KAZN: variants seen among roughly 807,000 people sequenced by gnomAD.
KAZN encodes the protein kazrin, periplakin interacting protein.
Under a neutral mutation model 87.4 loss-of-function variants are expected in KAZN, and 40 were observed. The observed-to-expected ratio is 0.46, with a 90% confidence interval of 0.36 to 0.60. The LOEUF is 0.60. Among genes scored for constraint, KAZN ranks in the 20% least tolerant of loss-of-function variants. The pLI, the probability that KAZN is intolerant of heterozygous loss-of-function variation, is 0.00. For missense variants in KAZN, 898 were observed against 1,073.9 expected, an observed-to-expected ratio of 0.84 and a Z score of 2.29; for synonymous variants, 466 against 458.3, an observed-to-expected ratio of 1.02 and a Z score of -0.22.
chr1:14,307,761 T>C (rs1039509177), intron 2 of KAZN, among the ~76,000 whole-genome samples: 1 of 152,162 alleles, frequency 6.6e-6, no homozygotes, highest in African/African-American at 2.4e-5. Flanking sequence ...CACAGGATGC[T>C]GAAAGTAGGG....
At chr1:14,650,481 G>A (rs1367276488) in intron 1 of KAZN, among the ~76,000 whole-genome samples, 2 of 152,206 alleles carry the variant, frequency 1.3e-5, no homozygotes, top group Admixed American at 6.5e-5. Flanking sequence ...TGAACCTGCA[G>A]TGAGCCATGT....
intron 1 of KAZN, among the ~76,000 whole-genome samples, chr1:14,077,299 T>G (rs1054205891): frequency 6.6e-6 from 1 of 152,150 alleles, no homozygotes; most frequent in East Asian, 1.9e-4. Flanking sequence ...CCTAAAAATG[T>G]CTTCTGCAAA....
intron 1 of KAZN, among the ~76,000 whole-genome samples, chr1:14,852,924 A>T (rs1474445781): frequency 6.6e-6 from 1 of 152,184 alleles, no homozygotes; most frequent in African/African-American, 2.4e-5. Flanking sequence ...TCTGTGCTTT[A>T]ACCAGATCCT....
At chr1:14,458,938 G>T (rs1405961496) in intron 2 of KAZN, among the ~76,000 whole-genome samples, 1 of 152,078 alleles carries the variant, frequency 6.6e-6, no homozygotes, top group African/African-American at 2.4e-5. Flanking sequence ...GTCTTTGGAG[G>T]GTCTTAAGTT....
At chr1:14,449,395 G>C (rs1336823559) in intron 2 of KAZN, among the ~76,000 whole-genome samples, 2 of 152,154 alleles carry the variant, frequency 1.3e-5, no homozygotes, top group African/African-American at 2.4e-5. Flanking sequence ...AAATTTTACA[G>C]AACCAGAATA....
Position 14,459,502 on chromosome 1 carries a change from A to G in KAZN, c.250-139481A>G, listed in dbSNP as rs553206034. On this transcript the variant is annotated intron_variant, in intron 2 of 16. Coordinates refer to the KAZN transcript ENST00000636203. Reference sequence around the variant, plus strand: ...CAAAGATGGCGCATCGTTTTTATCTATTATCCCAGTTGCAATCAATTGGTA... The same window carrying G: ...CAAAGATGGCGCATCGTTTTTATCTGTTATCCCAGTTGCAATCAATTGGTA... 1.4e-4 allele frequency among the ~76,000 whole-genome samples: 21 copies of G among 152,268 alleles called. 1 individual carries two copies. In the South Asian group the frequency reaches 4.2e-3, roughly 30 times the overall value.
chr1:14,356,904 TACGGGC>T (rs2100964605), intron 2 of KAZN, among the ~76,000 whole-genome samples: 1 of 152,356 alleles, frequency 6.6e-6, no homozygotes, highest in South Asian at 2.1e-4. Context: ...GTCTTGACTA[TACGGGC>T]TCTTTTTTGG....
intron 1 of KAZN, among the ~76,000 whole-genome samples, chr1:14,100,487 T>C (rs897990478): frequency 1.8e-4 from 28 of 152,254 alleles, no homozygotes; most frequent in Admixed American, 1.4e-3. Flanking sequence ...GCATGAAGTC[T>C]GGGGGAAACC....
At chr1:14,056,358 G>A (rs573387240) in intron 1 of KAZN, among the ~76,000 whole-genome samples, 16 of 152,196 alleles carry the variant, frequency 1.1e-4, no homozygotes, top group Non-Finnish European at 2.2e-4. Context: ...AGAGTCAAAG[G>A]AGATGTCACG....
chr1:14,085,314 A>G (rs1643821486), intron 1 of KAZN, among the ~76,000 whole-genome samples: 1 of 152,188 alleles, frequency 6.6e-6, no homozygotes, highest in Non-Finnish European at 1.5e-5. Context: ...ATTTCAGTGT[A>G]CATTTCAATG....
chr1:14,021,357 A>G (rs1337021245), intron 1 of KAZN, among the ~76,000 whole-genome samples: 1 of 152,226 alleles, frequency 6.6e-6, no homozygotes, highest in Non-Finnish European at 1.5e-5. Flanking sequence ...GAAATGCAGA[A>G]TCTGAGACCA....
intron 2 of KAZN, among the ~76,000 whole-genome samples, chr1:14,397,507 C>T (rs531101404): frequency 5.9e-5 from 9 of 152,220 alleles, no homozygotes; most frequent in South Asian, 2.1e-4. Context: ...TCAACATGTA[C>T]GTTTTAAGTG....
At chr1:13,939,097 T>C (rs945176510) in intron 1 of KAZN, among the ~76,000 whole-genome samples, 17 of 152,250 alleles carry the variant, frequency 1.1e-4, no homozygotes, top group African/African-American at 3.9e-4. Context: ...AGCTCTTTTT[T>C]AGTCATGCTA....
intron 1 of KAZN, among the ~76,000 whole-genome samples, chr1:14,714,895 A>G (rs1411765631): frequency 6.7e-6 from 1 of 150,166 alleles, no homozygotes; most frequent in Non-Finnish European, 1.5e-5. Context: ...CCCAGACTCA[A>G]GTGATCCTCC....
intron 2 of KAZN, among the ~76,000 whole-genome samples, chr1:14,261,613 G>A (rs1043385588): frequency 9.2e-5 from 14 of 152,144 alleles, no homozygotes; most frequent in African/African-American, 1.2e-4. Flanking sequence ...CGGAAAAATC[G>A]TTTGTAAAAT....
intron 2 of KAZN, among the ~76,000 whole-genome samples, chr1:14,556,558 C>T (rs552778881): frequency 4.1e-4 from 62 of 152,188 alleles, no homozygotes; most frequent in Non-Finnish European, 6.6e-4. Context: ...CTGCCTCTTT[C>T]CATACTTCCC....
chr1:14,706,185 A>G (rs141804995), intron 1 of KAZN, among the ~76,000 whole-genome samples: 71 of 152,272 alleles, frequency 4.7e-4, no homozygotes, highest in African/African-American at 1.6e-3. Flanking sequence ...AGATGGGACC[A>G]TCTAGTTGTA....
intron 2 of KAZN, among the ~76,000 whole-genome samples, chr1:14,591,875 G>A (rs997320925): frequency 6.6e-6 from 1 of 152,172 alleles, no homozygotes; most frequent in African/African-American, 2.4e-5. Flanking sequence ...GCTGCTGGCT[G>A]TCTCTTTAAG....
intron 2 of KAZN, among the ~76,000 whole-genome samples, chr1:14,382,568 G>A (rs1661466121): frequency 6.8e-6 from 1 of 147,074 alleles, no homozygotes. Context: ...AATATGCGGT[G>A]TTTGGTTTTT....
Sources: allele counts gnomAD v4.1 joint callset (sites outside exome capture counted in the v4.1 genomes callset), GRCh38; gene constraint gnomAD v4.1.1; transcripts MANE v1.5; gene names NCBI Gene and HGNC (gene_info 2026-07-23, HGNC 2026-07-21).